ANXA4: variants seen among roughly 807,000 people sequenced by gnomAD.
ANXA4 encodes annexin A4.
ANXA4 carries 39 observed loss-of-function variants against 49.8 expected under a neutral mutation model. The observed-to-expected ratio is 0.78, with a 90% CI of 0.61 to 1.02. The LOEUF is 1.02. ANXA4 is among the 50% of genes least tolerant of loss of function. ANXA4 has a pLI of 0.00. For missense variants in ANXA4, 360 were observed against 410.1 expected (o/e 0.88, Z 1.05); for synonymous variants, 134 against 152.5 (o/e 0.88, Z 0.89).
intron 1 of ANXA4, chr2:69,781,317 C>A: frequency 1.7e-6 from 1 of 587,070 alleles, no homozygotes. Flanking sequence ...AATATTTTAC[C>A]AGTGTGATAA....
Position 69,820,714 on chromosome 2 carries a change from G to T in ANXA4, c.799G>T (p.Asp267Tyr), listed in dbSNP as rs758100885. The T allele has an allele frequency of 3.7e-6, 6 of 1,614,096 alleles. No individual in the cohort carries two copies. The South Asian group carries it at 6.6e-5, about 18-fold the overall frequency. ...YKSMKGLGTD[D>Y]NTLIRVMVSR... ...TCTTCCTTAGGGCTTGGGCACCGATGATAACACCCTCATCAGAGTGATGGT... is the reference window on the plus strand; with the variant it reads ...TCTTCCTTAGGGCTTGGGCACCGATTATAACACCCTCATCAGAGTGATGGT... Residue 267 changes from aspartate to tyrosine, a missense_variant, in exon 12 of 13, where the codon GAT becomes TAT. By Grantham distance (160) the Asp-to-Tyr change is radical (BLOSUM62 -3). Transcript: ENST00000394295.
chr2:69,691,422 C>T (rs748118474), intron 2 of ANXA4, among the ~76,000 whole-genome samples: 9 of 152,032 alleles, frequency 5.9e-5, no homozygotes, highest in Non-Finnish European at 1.2e-4. Context: ...GCCCCTGGTA[C>T]AGTCTTTACA....
intron 4 of ANXA4, 49 bp downstream of exon 4, chr2:69,804,676 G>A: frequency 6.8e-7 from 1 of 1,468,994 alleles, no homozygotes; most frequent in African/African-American, 1.4e-5. Context: ...GCAGCAACAG[G>A]AAGCAGGGCC....
intron 2 of ANXA4, among the ~76,000 whole-genome samples, chr2:69,699,111 A>G (rs977354916): frequency 1.3e-5 from 2 of 152,184 alleles, no homozygotes; most frequent in Non-Finnish European, 2.9e-5. Flanking sequence ...GTCTTTGCCA[A>G]GCACCAGCAC....
At chr2:69,715,860 G>A (rs1409062124) in intron 2 of ANXA4, among the ~76,000 whole-genome samples, 1 of 152,138 alleles carries the variant, frequency 6.6e-6, no homozygotes, top group Non-Finnish European at 1.5e-5. Context: ...CTTTTATCTG[G>A]CAGCTGCTCC....
intron 2 of ANXA4, among the ~76,000 whole-genome samples, chr2:69,783,858 T>A (rs546816188): frequency 6.6e-6 from 1 of 152,320 alleles, no homozygotes; most frequent in Non-Finnish European, 1.5e-5. Flanking sequence ...TATTGAATCA[T>A]AGAGTAGGTA....
intron 2 of ANXA4, among the ~76,000 whole-genome samples, chr2:69,656,856 T>C (rs1312850204): frequency 6.6e-6 from 1 of 152,104 alleles, no homozygotes; most frequent in African/African-American, 2.4e-5. Context: ...GCTCATTAGT[T>C]CTTGCTGGTG....
At chr2:69,660,330 A>G (rs1044784640) in intron 2 of ANXA4, among the ~76,000 whole-genome samples, 3 of 152,184 alleles carry the variant, frequency 2.0e-5, no homozygotes, top group Non-Finnish European at 2.9e-5. Flanking sequence ...GAGCAAACGT[A>G]AAATCACTCT....
intron 1 of ANXA4, among the ~76,000 whole-genome samples, chr2:69,750,065 A>G (rs1573190698): frequency 6.6e-6 from 1 of 152,282 alleles, no homozygotes; most frequent in African/African-American, 2.4e-5. Context: ...ACTTGTTGTT[A>G]TGTACTTATT....
intron 2 of ANXA4, among the ~76,000 whole-genome samples, chr2:69,705,846 C>T (rs1280992959): frequency 3.9e-5 from 6 of 152,078 alleles, no homozygotes; most frequent in African/African-American, 4.8e-5. Flanking sequence ...GCAGGACAAT[C>T]GCTTGAATCC....
At chr2:69,675,467 T>C (rs1677373099) in intron 2 of ANXA4, among the ~76,000 whole-genome samples, 2 of 152,362 alleles carry the variant, frequency 1.3e-5, no homozygotes, top group African/African-American at 4.8e-5. Flanking sequence ...TTTTATTGTA[T>C]GTACATGTCA....
chr2:69,665,904 C>T (rs1385369112), intron 2 of ANXA4, among the ~76,000 whole-genome samples: 2 of 152,066 alleles, frequency 1.3e-5, no homozygotes, highest in Admixed American at 1.3e-4. Context: ...AACAAATAAC[C>T]TAATTTAAAA....
intron 8 of ANXA4, chr2:69,814,726 C>A (rs4852336): frequency 0.15 from 19,972 of 133,240 alleles, 3,610 homozygotes; most frequent in African/African-American, 0.41. Flanking sequence ...AGAGAGAGAG[C>A]GAGAGAGACA....
chr2:69,708,361 T>C (rs1412388096), intron 2 of ANXA4, among the ~76,000 whole-genome samples: 1 of 152,150 alleles, frequency 6.6e-6, no homozygotes, highest in Non-Finnish European at 1.5e-5. Flanking sequence ...TAAAGACCAT[T>C]AGAATTGTTC....
chr2:69,659,259 G>A (rs533341488), intron 2 of ANXA4, among the ~76,000 whole-genome samples: 4 of 152,274 alleles, frequency 2.6e-5, no homozygotes, highest in Admixed American at 2.6e-4. Flanking sequence ...AAGACAAGAC[G>A]AAAGTTAGAC....
chr2:69,755,119 T>C (rs968754715), intron 1 of ANXA4, among the ~76,000 whole-genome samples: 3 of 152,220 alleles, frequency 2.0e-5, no homozygotes, highest in Admixed American at 6.5e-5. Context: ...ATTCCACTTA[T>C]ATAAAATACC....
At position 69,748,303 on chromosome 2, in the gene ANXA4, C is replaced by G. The variant is rs535439681; in HGVS notation, c.-47+6128C>G. 3.3e-5 allele frequency among the ~76,000 whole-genome samples: 5 copies of G among 151,412 alleles called. No individual in the cohort carries two copies. In the East Asian group the frequency reaches 7.8e-4, roughly 24 times the overall value. On this transcript the variant is annotated intron_variant, in intron 1 of 12. Transcript: ENST00000394295. The stretch of plus-strand genomic sequence containing the variant: ...CTGAGGCAGGAGAATGGTGTGAACC[C>G]GGGAGGCAGAGCTTGCAGTGAGCCG...
Position 69,748,260 on chromosome 2 carries a change from G to A in ANXA4, c.-47+6085G>A, listed in dbSNP as rs1278016505. Among the ~76,000 whole-genome samples the A allele has an allele frequency of 4.6e-5, 7 of 151,718 alleles. No individual in the cohort carries two copies. In the East Asian group the frequency reaches 1.4e-3, roughly 29 times the overall value. On this transcript the variant is annotated intron_variant, in intron 1 of 12. Transcript: ENST00000394295. ...CGGGAATGGTGGCGGGTGCCCGTAG[G>A]CCCAGCTACTCAGGAGGCTGAGGCA...
chr2:69,655,429 G>A (rs1676401504), intron 2 of ANXA4, among the ~76,000 whole-genome samples: 1 of 152,160 alleles, frequency 6.6e-6, no homozygotes, highest in Non-Finnish European at 1.5e-5. Context: ...ATGAAAAAAA[G>A]CTCATCATCA....
Sources: gnomAD v4.1 joint callset for allele counts (sites outside exome capture counted in the v4.1 genomes callset) on GRCh38, gnomAD v4.1.1 for gene constraint, MANE v1.5 for transcripts, NCBI Gene and HGNC (gene_info 2026-07-23, HGNC 2026-07-21) for gene names.